Variants in L3MBTL4 observed in about 807,000 individuals in gnomAD.
The protein encoded by L3MBTL4 is lethal(3)malignant brain tumor-like protein 4.
L3MBTL4 carries 70 observed loss-of-function variants against 84.5 expected under a neutral mutation model. The ratio of observed to expected loss-of-function variants is 0.83; its 90% confidence interval spans 0.68 to 1.01. L3MBTL4 has a LOEUF of 1.01. Ranked by LOEUF, L3MBTL4 falls within the 50% of genes least tolerant of loss-of-function variation. L3MBTL4 has a pLI of 0.00. For missense variants in L3MBTL4, 715 were observed against 754.8 expected (o/e 0.95, Z 0.62); for synonymous variants, 274 against 259.8 (o/e 1.05, Z -0.52).
intron 4 of L3MBTL4, among the ~76,000 whole-genome samples, chr18:6,275,105 T>C (rs1051449706): frequency 6.6e-6 from 1 of 152,008 alleles, no homozygotes; most frequent in East Asian, 1.9e-4. Context: ...GCTAGAACCA[T>C]GGATCTAGTG....
intron 16 of L3MBTL4, among the ~76,000 whole-genome samples, chr18:6,073,190 G>C (rs2057745752): frequency 6.7e-6 from 1 of 148,790 alleles, no homozygotes; most frequent in African/African-American, 2.5e-5. Context: ...AGAGACAGAG[G>C]GGGAGAGAAA....
At chr18:6,148,494 C>T (rs113097054) in intron 13 of L3MBTL4, among the ~76,000 whole-genome samples, 60 of 152,238 alleles carry the variant, frequency 3.9e-4, no homozygotes, top group African/African-American at 1.3e-3. Flanking sequence ...GCTGCTATCA[C>T]GGTTCACTGC....
chr18:6,325,598 T>C (rs998928782), intron 1 of L3MBTL4, among the ~76,000 whole-genome samples: 1 of 152,230 alleles, frequency 6.6e-6, no homozygotes, highest in Non-Finnish European at 1.5e-5. Flanking sequence ...TTTTTACTTA[T>C]ACAGTAAAGA....
At chr18:6,208,553 A>G (rs2045968824) in intron 12 of L3MBTL4, among the ~76,000 whole-genome samples, 1 of 152,222 alleles carries the variant, frequency 6.6e-6, no homozygotes, top group Non-Finnish European at 1.5e-5. Flanking sequence ...CACAGGGCAA[A>G]TATTTATCAA....
At chr18:5,998,813 C>T (rs1407339581) in intron 16 of L3MBTL4, among the ~76,000 whole-genome samples, 4 of 152,170 alleles carry the variant, frequency 2.6e-5, no homozygotes, top group African/African-American at 9.7e-5. Context: ...TCCTTTCTGT[C>T]CTCACTGTCA....
intron 14 of L3MBTL4, among the ~76,000 whole-genome samples, chr18:6,098,066 T>A (rs746422266): frequency 2.0e-5 from 3 of 152,192 alleles, no homozygotes; most frequent in Non-Finnish European, 4.4e-5. Flanking sequence ...GCCAAACCCC[T>A]TGGATACCAG....
In L3MBTL4 at chr18:6,032,893, T is replaced by C. The variant is rs567459116; in HGVS notation, c.1444+47988A>G. On this transcript the variant is annotated intron_variant, in intron 16 of 18. Coordinates refer to ENST00000317931, the MANE Select transcript of L3MBTL4 (RefSeq NM_001330559.2). ...AATTGCCTTCCTTTGTTAGGCTGAA[T>C]AATATTCCGTTGTATGTATATGCCT... Among the ~76,000 whole-genome samples, 5 of 152,362 alleles carry C rather than the reference T, an allele frequency of 3.3e-5. No individual in the cohort carries two copies. The East Asian group carries it at 9.6e-4, about 29-fold the overall frequency.
At chr18:6,138,154 C>T (rs1216560807) in intron 14 of L3MBTL4, 40 bp downstream of exon 14, 1 of 1,369,558 alleles carries the variant, frequency 7.3e-7, no homozygotes, top group Non-Finnish European at 1.0e-6. Context: ...CAGAATGTTT[C>T]CATTCATCCA....
chr18:5,999,615 C>A (rs2054128104), intron 16 of L3MBTL4, among the ~76,000 whole-genome samples: 1 of 152,138 alleles, frequency 6.6e-6, no homozygotes, highest in South Asian at 2.1e-4. Flanking sequence ...CAAAAACAAA[C>A]AACGAAGAAA....
At chr18:6,181,792 T>A in intron 12 of L3MBTL4, among the ~76,000 whole-genome samples, 1 of 152,320 alleles carries the variant, frequency 6.6e-6, no homozygotes, top group East Asian at 1.9e-4. Flanking sequence ...TTAGTTCACT[T>A]AGGATAACGG....
intron 12 of L3MBTL4, among the ~76,000 whole-genome samples, chr18:6,200,743 C>T (rs943696369): frequency 1.3e-5 from 2 of 152,144 alleles, no homozygotes; most frequent in East Asian, 1.9e-4. Context: ...GTAATTCTCA[C>T]CCATGCTTAA....
At chr18:6,071,749 G>A (rs369637232) in intron 16 of L3MBTL4, among the ~76,000 whole-genome samples, 3,311 of 59,118 alleles carry the variant, frequency 0.056, 48 homozygotes, top group African/African-American at 0.072. Flanking sequence ...AGGAAGGAAA[G>A]AAAGAAAGAA....
intron 1 of L3MBTL4, among the ~76,000 whole-genome samples, chr18:6,319,808 G>C (rs1481669774): frequency 6.6e-6 from 1 of 151,814 alleles, no homozygotes; most frequent in Non-Finnish European, 1.5e-5. Flanking sequence ...CCAAAATGAG[G>C]AAAGGGCATA....
At chr18:5,964,059 T>C (rs1015881094) in intron 17 of L3MBTL4, among the ~76,000 whole-genome samples, 6 of 152,258 alleles carry the variant, frequency 3.9e-5, no homozygotes, top group Admixed American at 2.6e-4. Context: ...GGGGCTGCCA[T>C]GTGGGTGTCT....
Position 6,264,078 on chromosome 18 carries a change from G to C in L3MBTL4, c.128-40C>G, listed in dbSNP as rs776700637. ...ACAATGACTTTTCTCAAAATGATTA[G>C]TGACAGGAAAATAATAAAACTTACT... On this transcript the variant is annotated intron_variant, in intron 4 of 18. Transcript: ENST00000317931. 19 of 1,399,450 alleles carry C rather than the reference G, an allele frequency of 1.4e-5. No homozygotes were observed. In the East Asian group the frequency reaches 3.9e-4, roughly 29 times the overall value. The allele number at this position is 1,399,450 out of a possible 1,614,324, so 86.7% of individuals were successfully genotyped here.
At chr18:6,314,974 A>AT (rs2051021537) in intron 1 of L3MBTL4, among the ~76,000 whole-genome samples, 1 of 152,196 alleles carries the variant, frequency 6.6e-6, no homozygotes, top group Admixed American at 6.5e-5. Flanking sequence ...TGGCATAAGG[A>AT]TTAACAGCAC....
At chr18:6,392,089 A>G (rs1385413661) in intron 1 of L3MBTL4, among the ~76,000 whole-genome samples, 1 of 152,188 alleles carries the variant, frequency 6.6e-6, no homozygotes, top group Non-Finnish European at 1.5e-5. Flanking sequence ...TCACATTACC[A>G]GACTTCAAAT....
intron 16 of L3MBTL4, among the ~76,000 whole-genome samples, chr18:6,071,787 A>AAGAAAGAAAG (rs2057649792): frequency 7.0e-6 from 1 of 143,308 alleles, no homozygotes; most frequent in Non-Finnish European, 1.5e-5. Flanking sequence ...GAAAGAAAGA[A>AAGAAAGAAAG]AGAAAGAAAG....
chr18:6,227,533 C>T (rs2046827716), intron 10 of L3MBTL4, among the ~76,000 whole-genome samples: 1 of 152,110 alleles, frequency 6.6e-6, no homozygotes, highest in African/African-American at 2.4e-5. Context: ...ATGACTTTTA[C>T]CAAATACTTC....
Sources: allele counts gnomAD v4.1 joint callset (sites outside exome capture counted in the v4.1 genomes callset), GRCh38; gene constraint gnomAD v4.1.1; transcripts MANE v1.5; gene names NCBI Gene and HGNC (gene_info 2026-07-23, HGNC 2026-07-21).